The following SLC8A1 variants were observed in gnomAD, a reference collection of about 807,000 sequenced individuals.
SLC8A1 encodes the protein sodium/calcium exchanger 1.
SLC8A1 carries 18 observed loss-of-function variants against 68.3 expected under a neutral mutation model. That is an observed-to-expected ratio of 0.26 (90% CI 0.18 to 0.39). SLC8A1 has a LOEUF of 0.39. SLC8A1 is among the 10% of genes least tolerant of loss of function. SLC8A1 has a pLI of 1.00. For synonymous variants in SLC8A1, 475 were observed against 415.5 expected, an observed-to-expected ratio of 1.14 and a Z score of -1.74; for missense variants, 985 against 1,156.7, an observed-to-expected ratio of 0.85 and a Z score of 2.15.
chr2:40,287,582 A>ATATG (rs1553475923), intron 2 of SLC8A1, among the ~76,000 whole-genome samples: 1 of 127,480 alleles, frequency 7.8e-6, no homozygotes, highest in Admixed American at 8.0e-5. Flanking sequence ...CAGAGGAATG[A>ATATG]TGTGTGTGTG....
intron 2 of SLC8A1, among the ~76,000 whole-genome samples, chr2:40,363,609 A>C (rs2192779): frequency 0.72 from 109,234 of 152,032 alleles, 40,101 homozygotes; most frequent in African/African-American, 0.86. Flanking sequence ...TCAGTTGTTC[A>C]GTAGTTATTT....
intron 2 of SLC8A1, among the ~76,000 whole-genome samples, chr2:40,223,073 G>T (rs972296613): frequency 1.3e-5 from 2 of 152,206 alleles, no homozygotes; most frequent in African/African-American, 4.8e-5. Context: ...GTACATGTAT[G>T]TTTATTGCAG....
At chr2:40,212,291 T>G (rs1424705061) in intron 2 of SLC8A1, among the ~76,000 whole-genome samples, 1 of 146,196 alleles carries the variant, frequency 6.8e-6, no homozygotes, top group Non-Finnish European at 1.5e-5. Flanking sequence ...ATCTTTTTTT[T>G]TTTTTTTTTT....
chr2:40,248,386 G>A (rs2062197455), intron 2 of SLC8A1, among the ~76,000 whole-genome samples: 1 of 152,112 alleles, frequency 6.6e-6, no homozygotes, highest in Non-Finnish European at 1.5e-5. Flanking sequence ...AGTGAGGTTA[G>A]TGCCCTTATA....
At chr2:40,254,228 AAATTAAAAAT>A (rs1327283070) in intron 2 of SLC8A1, among the ~76,000 whole-genome samples, 5 of 152,348 alleles carry the variant, frequency 3.3e-5, no homozygotes, top group Admixed American at 6.5e-5. Context: ...AGTCATTGAT[AAATTAAAAAT>A]AGAAATGAGA....
intron 2 of SLC8A1, among the ~76,000 whole-genome samples, chr2:40,210,921 T>C (rs1427407204): frequency 2.0e-5 from 3 of 152,194 alleles, no homozygotes; most frequent in African/African-American, 7.2e-5. Context: ...TAAGGCTACA[T>C]GCAATTATAA....
chr2:40,446,120 A>G (rs1701400276), intron 1 of SLC8A1, among the ~76,000 whole-genome samples: 1 of 152,208 alleles, frequency 6.6e-6, no homozygotes, highest in Non-Finnish European at 1.5e-5. Context: ...ATTTGGTGCT[A>G]AAGAGATAAA....
chr2:40,132,944 C>T (rs943823747), intron 7 of SLC8A1, among the ~76,000 whole-genome samples: 5 of 152,074 alleles, frequency 3.3e-5, no homozygotes, highest in Non-Finnish European at 1.5e-5. Flanking sequence ...CTGGTGTTTT[C>T]TATTCCTTTT....
intron 2 of SLC8A1, among the ~76,000 whole-genome samples, chr2:40,365,138 T>G (rs1318245582): frequency 6.6e-6 from 1 of 152,006 alleles, no homozygotes; most frequent in Non-Finnish European, 1.5e-5. Flanking sequence ...TGTATATAAA[T>G]GCTTTACCTT....
intron 6 of SLC8A1, among the ~76,000 whole-genome samples, chr2:40,149,546 A>G (rs545153226): frequency 3.3e-5 from 5 of 152,180 alleles, no homozygotes; most frequent in Non-Finnish European, 5.9e-5. Flanking sequence ...TATCTCATGC[A>G]CAACTGTGTA....
intron 1 of SLC8A1, among the ~76,000 whole-genome samples, chr2:40,491,691 A>C (rs1056374561): frequency 1.3e-5 from 2 of 152,042 alleles, no homozygotes; most frequent in East Asian, 1.9e-4. Context: ...TAGCATGAAG[A>C]GTTGTTGAAT....
Position 40,475,235 on chromosome 2 carries a change from G to A in SLC8A1, c.-25+37114C>T, listed in dbSNP as rs548731275. ...TGCAAGCTCCGTCTCCCGGGTTCAC[G>A]CCATTCTCCTGCCTCAGCCTCCCAC... On this transcript the variant is annotated intron_variant, in intron 1 of 7. Transcript: ENST00000402441. Among the ~76,000 whole-genome samples the A allele has an allele frequency of 5.3e-5, 8 of 152,032 alleles. No homozygotes were observed. In the South Asian group the frequency reaches 1.5e-3, roughly 28 times the overall value.
At chr2:40,257,479 A>C (rs425898) in intron 2 of SLC8A1, among the ~76,000 whole-genome samples, 148,065 of 151,590 alleles carry the variant, frequency 0.98, 72,416 homozygotes, top group East Asian at 1. Context: ...TAGTTTATGG[A>C]AGGAACATCA....
intron 7 of SLC8A1, among the ~76,000 whole-genome samples, chr2:40,135,337 G>A (rs865839935): frequency 6.6e-6 from 1 of 152,212 alleles, no homozygotes. Flanking sequence ...AGAGATATGG[G>A]TGAGAGAGGA....
chr2:40,121,279 AG>A (rs2036733732), intron 7 of SLC8A1, among the ~76,000 whole-genome samples: 1 of 152,182 alleles, frequency 6.6e-6, no homozygotes, highest in Admixed American at 6.5e-5. Context: ...TGAGAACCAC[AG>A]TTGTAAGACA....
At chr2:40,214,708 G>A (rs192055916) in intron 2 of SLC8A1, among the ~76,000 whole-genome samples, 163 of 152,160 alleles carry the variant, frequency 1.1e-3, no homozygotes, top group African/African-American at 3.6e-3. Context: ...AAAGTGCTGG[G>A]ATTACAGGCG....
intron 1 of SLC8A1, among the ~76,000 whole-genome samples, chr2:40,463,839 T>G (rs62149446): frequency 8.1e-6 from 1 of 123,322 alleles, no homozygotes; most frequent in East Asian, 2.9e-4. Context: ...CACACACACA[T>G]ACACACACAC....
chr2:40,099,800 A>G (rs2033791142), exon 8 of SLC8A1: 1 of 152,028 alleles, frequency 6.6e-6, no homozygotes, highest in South Asian at 2.1e-4. Context: ...CACAATTGCC[A>G]TCAGTAACCA....
intron 2 of SLC8A1, among the ~76,000 whole-genome samples, chr2:40,398,617 A>G (rs1030661536): frequency 2.6e-5 from 4 of 152,248 alleles, no homozygotes; most frequent in African/African-American, 9.6e-5. Context: ...AGAATAGTCA[A>G]TATGATTTTT....
Sources: gnomAD v4.1 joint callset for allele counts (sites outside exome capture counted in the v4.1 genomes callset) on GRCh38, gnomAD v4.1.1 for gene constraint, MANE v1.5 for transcripts, NCBI Gene and HGNC (gene_info 2026-07-23, HGNC 2026-07-21) for gene names.